Variants in NDUFS4 observed in about 807,000 individuals in gnomAD.
The protein encoded by NDUFS4 is NADH:ubiquinone oxidoreductase subunit S4, also known as NADH dehydrogenase [ubiquinone] iron-sulfur protein 4, mitochondrial.
In NDUFS4, 28 loss-of-function variants were observed where a neutral mutation model predicts 24.3. The ratio of observed to expected loss-of-function variants is 1.15; its 90% CI spans 0.85 to 1.58. NDUFS4 has a LOEUF of 1.58. NDUFS4 is among the 40% of genes most tolerant of loss of function. The pLI is 0.00. For missense variants in NDUFS4, 223 were observed against 207.9 expected (o/e 1.07, Z -0.45); for synonymous variants, 93 against 69.7 (o/e 1.34, Z -1.67).
intron 3 of NDUFS4, among the ~76,000 whole-genome samples, chr5:53,654,817 A>G (rs1752117741): frequency 6.6e-6 from 1 of 152,304 alleles, no homozygotes; most frequent in South Asian, 2.1e-4. Context: ...AGAGTCAGTT[A>G]TAATGCTAAT....
intron 2 of NDUFS4, among the ~76,000 whole-genome samples, chr5:53,642,560 G>T (rs1247550701): frequency 6.6e-6 from 1 of 152,002 alleles, no homozygotes; most frequent in African/African-American, 2.4e-5. Context: ...AGGTTTTTCT[G>T]CATTTTGACA....
At chr5:53,632,562 C>A (rs2124948) in intron 2 of NDUFS4, among the ~76,000 whole-genome samples, 2 of 151,800 alleles carry the variant, frequency 1.3e-5, no homozygotes, top group African/African-American at 4.8e-5. Flanking sequence ...ACTCAGCATG[C>A]CTGAATGCCA....
chr5:53,637,500 A>C (rs1443407843), intron 2 of NDUFS4, among the ~76,000 whole-genome samples: 2 of 152,204 alleles, frequency 1.3e-5, no homozygotes, highest in Non-Finnish European at 2.9e-5. Flanking sequence ...TATAAAAATA[A>C]GAATACTTGC....
intron 2 of NDUFS4, among the ~76,000 whole-genome samples, chr5:53,619,469 A>G (rs930289639): frequency 1.0e-4 from 14 of 136,884 alleles, no homozygotes; most frequent in African/African-American, 3.7e-4. Context: ...CCTGGGTGAC[A>G]CAGCAAGACT....
At chr5:53,632,007 GT>G (rs1283285794) in intron 2 of NDUFS4, among the ~76,000 whole-genome samples, 7 of 152,184 alleles carry the variant, frequency 4.6e-5, no homozygotes, top group African/African-American at 1.7e-4. Context: ...GCAGTGCTGT[GT>G]TCTGCTTCGG....
intron 2 of NDUFS4, among the ~76,000 whole-genome samples, chr5:53,608,537 C>G (rs1750598408): frequency 6.6e-6 from 1 of 152,192 alleles, no homozygotes; most frequent in Admixed American, 6.5e-5. Context: ...TAATCTAAAT[C>G]CTTTGTTGTC....
rs149800838 is a variant in NDUFS4 at position 53,607,229 on chromosome 5, C to T, written c.177+3699C>T. On this transcript the variant is annotated intron_variant, in intron 2 of 4. Coordinates refer to ENST00000296684, the MANE Select transcript of NDUFS4 (RefSeq NM_002495.4). ...GGTGTTGCCCATGATACACTTCAAG[C>T]GCAGTGATAGTTTTTCAACCGTTGT... is the stretch of plus-strand genomic sequence containing the variant. 1.2e-4 allele frequency among the ~76,000 whole-genome samples: 19 copies of T among 152,250 alleles called. No homozygotes were observed. The East Asian group carries it at 2.3e-3, about 19-fold the overall frequency.
At position 53,591,252 on chromosome 5, in the gene NDUFS4, T is replaced by C. The variant is rs181424550; in HGVS notation, c.99-12200T>C. Among the ~76,000 whole-genome samples, 641 of 152,256 alleles carry C rather than the reference T, an allele frequency of 4.2e-3. 3 individuals are homozygous for C. Among genetic ancestry groups the C allele is most frequent in the Non-Finnish European group, 7.3e-3 (494 of 68,020 alleles). ...TGCTATAATCATGAGTGTACAGATATCTGTTCTAGTCCCTGCTTTAGTTTG... is the reference window on the plus strand; with the variant it reads ...TGCTATAATCATGAGTGTACAGATACCTGTTCTAGTCCCTGCTTTAGTTTG... On this transcript the variant is annotated intron_variant, in intron 1 of 4. Coordinates refer to ENST00000296684, the MANE Select transcript of NDUFS4 (RefSeq NM_002495.4).
chr5:53,669,668 G>A (rs941267770), intron 4 of NDUFS4, among the ~76,000 whole-genome samples: 2 of 152,042 alleles, frequency 1.3e-5, no homozygotes, highest in Admixed American at 6.6e-5. Context: ...GTATGTCAGC[G>A]CTGTATGGCT....
intron 2 of NDUFS4, among the ~76,000 whole-genome samples, chr5:53,625,824 G>T (rs1751203276): frequency 1.3e-5 from 2 of 151,440 alleles, no homozygotes; most frequent in Admixed American, 1.3e-4. Flanking sequence ...ATCATTTCAG[G>T]GCCTATTTCT....
chr5:53,590,075 T>G (rs1391719849), intron 1 of NDUFS4, among the ~76,000 whole-genome samples: 1 of 152,162 alleles, frequency 6.6e-6, no homozygotes, highest in African/African-American at 2.4e-5. Flanking sequence ...ACAAGCCTTT[T>G]GAGGAATATA....
intron 3 of NDUFS4, among the ~76,000 whole-genome samples, chr5:53,647,476 G>T (rs573581710): frequency 1.3e-5 from 2 of 151,918 alleles, no homozygotes; most frequent in African/African-American, 4.8e-5. Context: ...CCTCAGCCTC[G>T]AAAGTACTGA....
At chr5:53,664,158 G>A (rs1752436776) in intron 4 of NDUFS4, among the ~76,000 whole-genome samples, 1 of 152,068 alleles carries the variant, frequency 6.6e-6, no homozygotes, top group Non-Finnish European at 1.5e-5. Context: ...TTGAATATTG[G>A]CCCCCACTCT....
At chr5:53,571,647 A>T (rs865798426) in intron 1 of NDUFS4, among the ~76,000 whole-genome samples, 36 of 152,368 alleles carry the variant, frequency 2.4e-4, no homozygotes, top group Middle Eastern at 3.4e-3. Context: ...TCCCACCAGC[A>T]GTGAATGAGG....
chr5:53,643,347 C>A (rs540974011), intron 2 of NDUFS4, among the ~76,000 whole-genome samples: 2 of 152,104 alleles, frequency 1.3e-5, no homozygotes, highest in African/African-American at 4.8e-5. Context: ...ATCCATATTG[C>A]CATACAAAAG....
chr5:53,672,239 A>C (rs190504703), intron 4 of NDUFS4, among the ~76,000 whole-genome samples: 109 of 152,212 alleles, frequency 7.2e-4, no homozygotes, highest in East Asian at 4.4e-3. Context: ...CAAAACAAAA[A>C]AAAAAACTTT....
chr5:53,657,190 G>T (rs1427300457), intron 3 of NDUFS4, among the ~76,000 whole-genome samples: 1 of 152,122 alleles, frequency 6.6e-6, no homozygotes, highest in East Asian at 1.9e-4. Context: ...TCATATTTAT[G>T]TTGATACTTC....
intron 2 of NDUFS4, among the ~76,000 whole-genome samples, chr5:53,639,304 A>G (rs1751641433): frequency 6.6e-6 from 1 of 151,932 alleles, no homozygotes; most frequent in Non-Finnish European, 1.5e-5. Context: ...TATGATTTCT[A>G]GAAACATGCT....
At chr5:53,622,238 C>T (rs1293233510) in intron 2 of NDUFS4, among the ~76,000 whole-genome samples, 2 of 152,050 alleles carry the variant, frequency 1.3e-5, no homozygotes, top group Non-Finnish European at 2.9e-5. Flanking sequence ...TCTAGAAATC[C>T]CTTTATTTTG....
Sources: allele counts gnomAD v4.1 joint callset (sites outside exome capture counted in the v4.1 genomes callset), GRCh38; gene constraint gnomAD v4.1.1; transcripts MANE v1.5; gene names NCBI Gene and HGNC (gene_info 2026-07-23, HGNC 2026-07-21).